The following COQ9 variants were observed in gnomAD, a reference collection of about 807,000 sequenced individuals.
The protein encoded by COQ9 is coenzyme Q9.
A neutral mutation model predicts 42.4 loss-of-function variants in COQ9; 35 were observed. The ratio of observed to expected loss-of-function variants is 0.83; its 90% CI spans 0.63 to 1.10. The LOEUF is 1.10. Among genes scored for constraint, COQ9 ranks in the 50% least tolerant of loss-of-function variants. COQ9 has a pLI of 0.00. For synonymous variants in COQ9, 155 were observed against 155.1 expected (o/e 1.00, Z 0.00); for missense variants, 406 against 414.6 (o/e 0.98, Z 0.18).
chr16:57,451,004 T>C (rs764634737), intron 1 of COQ9, 36 bp from the exon 2 acceptor site: 1 of 1,611,738 alleles, frequency 6.2e-7, no homozygotes, highest in South Asian at 1.1e-5. Flanking sequence ...GGGTCTTCTC[T>C]GTTGAATGTC....
rs144526197 is a variant in COQ9 at position 57,453,110 on chromosome 16, T to C, written c.378+174T>C. 3.8e-4 allele frequency: 294 copies of C among 770,092 alleles called. No homozygotes were observed. The African/African-American group carries it at 4.4e-3, about 12-fold the overall frequency. The allele number at this position is 770,092 out of a possible 1,614,324, so 47.7% of individuals were successfully genotyped here. A position where few individuals can be genotyped will look rare whatever the true frequency, so the allele number is the denominator to read the frequency against. On this transcript the variant is annotated intron_variant, in intron 3 of 8. Transcript: ENST00000262507. ...TGGAACTGGCTTTATTTTGTAGTTA[T>C]AAAGAACATACCATGGAGTTGGTTC...
intron 5 of COQ9, chr16:57,457,414 A>G (rs555002135): frequency 5.5e-4 from 188 of 341,662 alleles, no homozygotes; most frequent in Non-Finnish European, 8.0e-4. Flanking sequence ...GGATTTGTCA[A>G]TTGTCAATGT....
chr16:57,459,741 G>A, intron 7 of COQ9, 21 bp downstream of exon 7: 1 of 1,613,752 alleles, frequency 6.2e-7, no homozygotes, highest in Non-Finnish European at 8.5e-7. Context: ...ACTAGCCATT[G>A]GGGAACCCTC....
intron 1 of COQ9, chr16:57,447,850 C>T: frequency 2.8e-6 from 1 of 351,266 alleles, no homozygotes; most frequent in Non-Finnish European, 5.1e-6. Context: ...ACGAAAGTCA[C>T]GCAGCCTGAG....
chr16:57,457,302 C>G, intron 5 of COQ9: 1 of 489,668 alleles, frequency 2.0e-6, no homozygotes. Flanking sequence ...ACCAGGTCTG[C>G]AGGGAGGAGG....
intron 2 of COQ9, among the ~76,000 whole-genome samples, chr16:57,452,585 T>A (rs540724752): frequency 6.6e-6 from 1 of 152,196 alleles, no homozygotes; most frequent in East Asian, 1.9e-4. Flanking sequence ...GAGGTTGTAG[T>A]GAGCTGAGAT....
At chr16:57,448,086 A>T (rs1163646347) in intron 1 of COQ9, among the ~76,000 whole-genome samples, 1 of 152,202 alleles carries the variant, frequency 6.6e-6, no homozygotes, top group Non-Finnish European at 1.5e-5. Flanking sequence ...GAAACTTTAT[A>T]TCATTGTCAT....
intron 5 of COQ9, chr16:57,457,396 G>A (rs761279106): frequency 2.9e-6 from 1 of 345,752 alleles, no homozygotes; most frequent in Non-Finnish European, 5.6e-6. Context: ...TTTAGATCTC[G>A]AGCACTGGGA....
intron 1 of COQ9, 29 bp downstream of exon 1, chr16:57,447,607 CG>C: frequency 8.0e-7 from 1 of 1,243,696 alleles, no homozygotes; most frequent in Non-Finnish European, 1.0e-6. Context: ...CGGGGAGAGG[CG>C]GGGAGCGCGG....
At chr16:57,450,208 G>A (rs1393523335) in intron 1 of COQ9, among the ~76,000 whole-genome samples, 1 of 152,172 alleles carries the variant, frequency 6.6e-6, no homozygotes, top group Non-Finnish European at 1.5e-5. Context: ...GAGGTCAGGA[G>A]TTTGAGACCA....
Position 57,456,590 on chromosome 16 carries a change from C to G in COQ9, c.465C>G (p.Thr155=), listed in dbSNP as rs775353019. 2 of 1,614,084 alleles carry G rather than the reference C, an allele frequency of 1.2e-6. No homozygotes were observed. The highest frequency in any genetic ancestry group is 3.3e-5 in the Admixed American group (2 of 60,016). The change falls in exon 4 of 9, where the codon ACC becomes ACG. Residue 155 remains threonine, a synonymous_variant. Transcript: ENST00000262507. ...LILHFVTQCN[T]RLTRVLEEEQ... ...TGCATTTTGTGACCCAGTGCAATACCCGGCTCACACGTGTGCTAGAAGAGG... is the reference window on the plus strand; with the variant it reads ...TGCATTTTGTGACCCAGTGCAATACGCGGCTCACACGTGTGCTAGAAGAGG...
At chr16:57,452,529 C>T (rs558216727) in intron 2 of COQ9, among the ~76,000 whole-genome samples, 6 of 152,200 alleles carry the variant, frequency 3.9e-5, no homozygotes, top group African/African-American at 7.2e-5. Flanking sequence ...GTAGTCTCAT[C>T]GACTTAGGAG....
chr16:57,458,319 T>C lies in COQ9; in HGVS notation c.680T>C (p.Met227Thr), dbSNP rs772482241. 6 of 1,613,110 alleles carry C rather than the reference T, an allele frequency of 3.7e-6. No homozygotes were observed. Among genetic ancestry groups the C allele is most frequent in the Non-Finnish European group, 4.2e-6 (5 of 1,179,514 alleles). ...LSLLTSMVDD[M>T]WHYAGDQSTD... ...CTGCTCACCAGCATGGTGGATGACA[T>C]GTGGCATTACGCTGGGGACCAGTCC... The change falls in exon 6 of 9, where the codon ATG becomes ACG. Residue 227 changes from methionine to threonine, a missense_variant. By Grantham distance (81) the Met-to-Thr change is moderately conservative (BLOSUM62 -1). Transcript: ENST00000262507.
chr16:57,451,319 G>A, intron 2 of COQ9, 111 bp downstream of exon 2: 1 of 1,236,166 alleles, frequency 8.1e-7, no homozygotes, highest in Non-Finnish European at 1.2e-6. Context: ...TCATTTCCAA[G>A]GCCATCTTTG....
intron 1 of COQ9, among the ~76,000 whole-genome samples, chr16:57,448,861 C>G (rs954806556): frequency 4.0e-5 from 6 of 151,804 alleles, no homozygotes; most frequent in Non-Finnish European, 5.9e-5. Context: ...TCATAGTAGC[C>G]AAACACAGAA....
intron 7 of COQ9, 92 bp downstream of exon 7, chr16:57,459,812 C>A: frequency 6.9e-7 from 1 of 1,457,178 alleles, no homozygotes; most frequent in Non-Finnish European, 9.6e-7. Flanking sequence ...TTGGCCTCAG[C>A]TGACAGTCCT....
Position 57,456,963 on chromosome 16 carries a change from C to T in COQ9, c.554C>T (p.Ala185Val). The T allele has an allele frequency of 1.2e-6, 2 of 1,614,102 alleles. No homozygotes were observed. Among genetic ancestry groups the T allele is most frequent in the Non-Finnish European group, 1.7e-6 (2 of 1,179,958 alleles). Reference sequence around the variant, plus strand: ...AAGACAGACCAGTTCCTGAGGGATGCAGTGGAAACCAGACTGAGAATGCTG... The same window carrying T: ...AAGACAGACCAGTTCCTGAGGGATGTAGTGGAAACCAGACTGAGAATGCTG... The part of the protein sequence containing the change: ...KRKTDQFLRD[A>V]VETRLRMLIP... The change falls in exon 5 of 9, where the codon GCA becomes GTA. Residue 185 changes from alanine to valine, a missense_variant. Coordinates refer to ENST00000262507, the MANE Select transcript of COQ9 (RefSeq NM_020312.4).
In COQ9 at chr16:57,451,091, T is replaced by G; in HGVS notation, c.125T>G (p.Val42Gly). Reference protein sequence around the residue: ...LVPRAFHASAVGLRSSDEQKQ... With the variant: ...LVPRAFHASAGGLRSSDEQKQ... ...CCGCGTGCCTTCCATGCTTCAGCTGTGGGGCTAAGGTCTTCAGATGAGCAG... is the reference window on the plus strand; with the variant it reads ...CCGCGTGCCTTCCATGCTTCAGCTGGGGGGCTAAGGTCTTCAGATGAGCAG... Residue 42 changes from valine to glycine, a missense_variant, in exon 2 of 9, where the codon GTG becomes GGG. Transcript: ENST00000262507. The G allele has an allele frequency of 6.2e-7, 1 of 1,614,146 alleles. No individual in the cohort carries two copies. The highest frequency in any genetic ancestry group is 8.5e-7 in the Non-Finnish European group (1 of 1,180,026).
intron 1 of COQ9, among the ~76,000 whole-genome samples, chr16:57,448,502 C>T (rs1264622670): frequency 6.6e-6 from 1 of 152,042 alleles, no homozygotes; most frequent in Non-Finnish European, 1.5e-5. Flanking sequence ...CGGCTCACTG[C>T]AGCCTCTACC....
Sources: gnomAD v4.1 joint callset for allele counts (sites outside exome capture counted in the v4.1 genomes callset) on GRCh38, gnomAD v4.1.1 for gene constraint, MANE v1.5 for transcripts, NCBI Gene and HGNC (gene_info 2026-07-23, HGNC 2026-07-21) for gene names.